SLC4A11: variants seen among roughly 807,000 people sequenced by gnomAD.
The protein encoded by SLC4A11 is solute carrier family 4 member 11.
Under a neutral mutation model 95.0 loss-of-function variants are expected in SLC4A11, and 74 were observed. That is an observed-to-expected ratio of 0.78 (90% CI 0.65 to 0.95). The LOEUF (loss-of-function observed/expected upper bound fraction) is 0.95, where lower values mean the gene tolerates loss of function less well. Ranked by LOEUF, SLC4A11 falls within the 40% of genes least tolerant of loss-of-function variation. The probability of loss-of-function intolerance (pLI) is 0.00; values close to 1 mark genes in which losing one functional copy is unlikely to be tolerated. For missense variants in SLC4A11, 1,081 were observed against 1,192.4 expected (o/e 0.91, Z 1.38); for synonymous variants, 548 against 519.0 (o/e 1.06, Z -0.76).
In SLC4A11 at chr20:3,228,259, C is replaced by A; in HGVS notation, c.2558G>T (p.Arg853Leu). Residue 853 changes from arginine (R) to leucine (L), a missense_variant and splice_region_variant, in exon 19 of 20, where the codon CGC becomes CTC. Arg to Leu is a moderately radical substitution (Grantham distance 102). This residue lies in a region of SLC4A11 where 767 missense variants were observed against 858.0 expected (regional missense o/e 0.89). Transcript: ENST00000642402. ...PLIMIAMIPI[R>L]YILLPRIIEA... ...CTGCCCACTGCCCACCCGCCTGTAC[C>A]GGATGGGGATCATGGCGATCATGAT... 6.2e-7 allele frequency: 1 copy of A among 1,612,362 alleles called. No individual in the cohort carries two copies. The highest frequency in any genetic ancestry group is 8.5e-7 in the Non-Finnish European group (1 of 1,179,822).
Position 3,234,386 on chromosome 20 carries a change from C to A in SLC4A11, c.292-72G>T. Reference sequence around the variant, plus strand: ...GCTGTCACTGCCTGGTCCCTCCCTCCCAGCCAGCCGCAGCAGTCCAGCCCC... The same window carrying A: ...GCTGTCACTGCCTGGTCCCTCCCTCACAGCCAGCCGCAGCAGTCCAGCCCC... On this transcript the variant is annotated intron_variant, in intron 4 of 19. Coordinates refer to ENST00000642402, the MANE Select transcript of SLC4A11 (RefSeq NM_001174089.2). This position sits in a 1 kb window ranked among gnomAD's most constrained non-coding sequence, Gnocchi z 5.8. 1.3e-6 allele frequency: 2 copies of A among 1,540,414 alleles called. No homozygotes were observed. The highest frequency in any genetic ancestry group is 1.1e-5 in the South Asian group (1 of 89,022).
Position 3,229,652 on chromosome 20 carries a change from G to C in SLC4A11, c.1614C>G (p.Ala538=), listed in dbSNP as rs2067684691. 6.2e-7 allele frequency: 1 copy of C among 1,613,788 alleles called. No homozygotes were observed. The highest frequency in any genetic ancestry group is 1.3e-5 in the African/African-American group (1 of 75,058). ...LNASLHTALN[A]SFLASPTELP... ...GCTCCGTGGGGCTGGCGAGGAAGCT[G>C]GCGTTGAGGGCAGTGTGGAGGCTGG... Residue 538 remains alanine, a synonymous_variant, in exon 14 of 20, where the codon GCC becomes GCG. Coordinates refer to ENST00000642402, the MANE Select transcript of SLC4A11 (RefSeq NM_001174089.2).
intron 7 of SLC4A11, among the ~76,000 whole-genome samples, chr20:3,232,948 G>A (rs569044394): frequency 7.2e-5 from 11 of 152,154 alleles, no homozygotes; most frequent in Admixed American, 2.0e-4. Context: ...GGAGGTTCCC[G>A]CCATGTCTGA....
chr20:3,233,731 C>T, intron 6 of SLC4A11, 94 bp from the exon 7 acceptor site: 1 of 1,577,148 alleles, frequency 6.3e-7, no homozygotes, highest in Non-Finnish European at 8.6e-7. Context: ...CCCTGGCGAC[C>T]TCTGCTAGGG....
chr20:3,233,918 C>A lies in SLC4A11; in HGVS notation c.605+3G>T. The A allele has an allele frequency of 6.2e-7, 1 of 1,612,736 alleles. No individual in the cohort carries two copies. The highest frequency in any genetic ancestry group is 2.2e-5 in the East Asian group (1 of 44,876). On this transcript the variant is annotated splice_donor_region_variant and intron_variant, in intron 6 of 19. Transcript: ENST00000642402. The stretch of plus-strand genomic sequence containing the variant: ...AGGGGGGCCAAGTGGCCTGGCAACT[C>A]ACATGATGCAGAGCCACGACTGCTG...
At chr20:3,233,197 C>A (rs567400311) in intron 7 of SLC4A11, among the ~76,000 whole-genome samples, 71 of 152,284 alleles carry the variant, frequency 4.7e-4, no homozygotes, top group African/African-American at 1.6e-3. Flanking sequence ...GGACCCTCAG[C>A]TAGCAAATCG....
chr20:3,231,011 G>C lies in SLC4A11; in HGVS notation c.1090C>G (p.Leu364Val), dbSNP rs775040821. 2 of 1,613,920 alleles carry C rather than the reference G, an allele frequency of 1.2e-6. No individual in the cohort carries two copies. Among genetic ancestry groups the C allele is most frequent in the Non-Finnish European group, 1.7e-6 (2 of 1,180,032 alleles). ...AGGAGGCAGGCGAAGTAGAGGAACA[G>C]GGTGGTGGTGATGTATTTGCCCACA... ...KAVGKYITTT[L>V]FLYFACLLPT... The change falls in exon 10 of 20, where the codon CTG (leucine) becomes GTG (valine). Residue 364 changes from leucine (L) to valine (V), a missense_variant. Leu to Val is a conservative substitution (Grantham distance 32). Around this residue, in one of 3 missense-constraint regions of SLC4A11, gnomAD observed 767 missense variants for 858.0 expected, o/e 0.89. Coordinates refer to ENST00000642402, the MANE Select transcript of SLC4A11 (RefSeq NM_001174089.2). This position sits in a 1 kb window ranked among gnomAD's most constrained non-coding sequence, Gnocchi z 5.2.
Position 3,229,429 on chromosome 20 carries a change from C to G in SLC4A11, c.1766G>C (p.Arg589Pro), listed in dbSNP as rs778924154. ...KKSPYLHPCV[R>P]EILSDCALPI... ...CAGGGCGCAGTCGGACAGGATCTCT[C>G]GCACGCAGGGGTGCAGGTAGGGGCT... The change falls in exon 15 of 20, where the codon CGA becomes CCA. Residue 589 changes from arginine to proline, a missense_variant. By Grantham distance (103) the Arg-to-Pro change is moderately radical (BLOSUM62 -2). Coordinates refer to ENST00000642402, the MANE Select transcript of SLC4A11 (RefSeq NM_001174089.2). 6.8e-6 allele frequency: 11 copies of G among 1,613,286 alleles called. No individual in the cohort carries two copies. Among genetic ancestry groups the G allele is most frequent in the Non-Finnish European group, 7.6e-6 (9 of 1,180,010 alleles).
rs773078769 is a variant in SLC4A11, at chr20:3,234,284, T to C, written c.322A>G (p.Ile108Val). The change falls in exon 5 of 20, where the codon ATC becomes GTC. Residue 108 changes from isoleucine to valine, a missense_variant. Around this residue, in one of 3 missense-constraint regions of SLC4A11, gnomAD observed 310 missense variants for 313.5 expected, o/e 0.99. Transcript: ENST00000642402. The surrounding 1 kb of genome is among the most constrained non-coding windows in gnomAD (Gnocchi z 5.8). ...CCATCTAGGTCGCGGTGCGCACGGA[T>C]CTCTTCCTTGAAGTTCTTTAACTTC... ...YLKLKNFKEE[I>V]RAHRDLDGFL... 4.0e-5 allele frequency: 65 copies of C among 1,613,916 alleles called. No homozygotes were observed. In the South Asian group the frequency reaches 6.5e-4, roughly 16 times the overall value.
Position 3,234,742 on chromosome 20 carries a change from C to G in SLC4A11, c.241G>C (p.Glu81Gln). 6.2e-7 allele frequency: 1 copy of G among 1,613,964 alleles called. No individual in the cohort carries two copies. The highest frequency in any genetic ancestry group is 1.1e-5 in the South Asian group (1 of 91,084). Residue 81 changes from glutamate to glutamine, a missense_variant and splice_region_variant, in exon 3 of 20, where the codon GAG (glutamate) becomes CAG (glutamine). Transcript: ENST00000642402. The surrounding 1 kb of genome is among the most constrained non-coding windows in gnomAD (Gnocchi z 5.8). ...VNLEMQATNT[E>Q]NEATSGGCVL... is the part of the protein sequence containing the mutation. Reference sequence around the variant, plus strand: ...TCTGCCCCTGCTGCAGCCCCCATACCAGTGTTGGTGGCCTGCATCTCAAGG... The same window carrying G: ...TCTGCCCCTGCTGCAGCCCCCATACGAGTGTTGGTGGCCTGCATCTCAAGG...
chr20:3,230,414 C>A, intron 12 of SLC4A11, 101 bp downstream of exon 12: 1 of 1,593,898 alleles, frequency 6.3e-7, no homozygotes, highest in South Asian at 1.1e-5. Context: ...CCCCTTGGGG[C>A]AGCAATATGG....
At chr20:3,233,258 G>C (rs553442010) in intron 7 of SLC4A11, among the ~76,000 whole-genome samples, 2 of 152,172 alleles carry the variant, frequency 1.3e-5, no homozygotes, top group Non-Finnish European at 1.5e-5. Context: ...GCCAGAGAAG[G>C]CCGCGTGTTT....
In SLC4A11 at chr20:3,230,667, C is replaced by T. The variant is rs200049838; in HGVS notation, c.1283-20G>A. 4.6e-5 allele frequency: 75 copies of T among 1,613,022 alleles called. No homozygotes were observed. In the Middle Eastern group the frequency reaches 2.6e-3, roughly 57 times the overall value. ...GAATCACTGCAGGCAGGGGGCAGGG[C>T]GGGTCAGGGCCCGGCAGGAACCAGG... On this transcript the variant is annotated intron_variant, in intron 11 of 19. Coordinates refer to ENST00000642402, the MANE Select transcript of SLC4A11 (RefSeq NM_001174089.2).
At position 3,229,389 on chromosome 20, in the gene SLC4A11, G is replaced by A. The variant is rs111238981; in HGVS notation, c.1806C>T (p.Leu602=). 13 of 1,613,224 alleles carry A rather than the reference G, an allele frequency of 8.1e-6. No individual in the cohort carries two copies. Among genetic ancestry groups the A allele is most frequent in the African/African-American group, 4.0e-5 (3 of 74,948 alleles). Residue 602 remains leucine (L), a synonymous_variant, in exon 15 of 20, where the codon CTC becomes CTT. Transcript: ENST00000642402. The part of the protein sequence containing the change: ...LSDCALPIAV[L]AFSLISSHGF... Reference sequence around the variant, plus strand: ...CATGGGAGCTGATGAGGGAGAAGGCGAGCACCGCGATGGGCAGGGCGCAGT... The same window carrying A: ...CATGGGAGCTGATGAGGGAGAAGGCAAGCACCGCGATGGGCAGGGCGCAGT...
Position 3,227,764 on chromosome 20 carries a change from G to A in SLC4A11, c.*23C>T, listed in dbSNP as rs372591594. ...GGGAGGACGTGGAGGGCTGGCGAAT[G>A]GGGCGTGGGCAGGGTCTGCCAGTCA... is the stretch of plus-strand genomic sequence containing the variant. On this transcript the variant is annotated 3_prime_UTR_variant, in exon 20 of 20. Coordinates refer to ENST00000642402, the MANE Select transcript of SLC4A11 (RefSeq NM_001174089.2). The A allele has an allele frequency of 1.9e-6, 3 of 1,611,730 alleles. No individual in the cohort carries two copies. Among genetic ancestry groups the A allele is most frequent in the Non-Finnish European group, 2.5e-6 (3 of 1,179,546 alleles).
At chr20:3,237,749 G>C in intron 1 of SLC4A11, 161 bp from the exon 2 acceptor site, 1 of 1,613,498 alleles carries the variant, frequency 6.2e-7, no homozygotes, top group Admixed American at 1.7e-5. Flanking sequence ...ACAGTGCTCG[G>C]GAGGGGGCCC....
rs775511503 is a variant in SLC4A11, at chr20:3,229,588, G to A, written c.1678C>T (p.Leu560Phe). ...GTGCCCAGCATGATGAGGAGGCTGAGCACGGCGGTCGCCTGGCCTGAGTGT... is the reference window on the plus strand; with the variant it reads ...GTGCCCAGCATGATGAGGAGGCTGAACACGGCGGTCGCCTGGCCTGAGTGT... ...ATHSGQATAVLSLLIMLGTLW... is the reference protein window; with the variant it reads ...ATHSGQATAVFSLLIMLGTLW... The change falls in exon 14 of 20, where the codon CTC becomes TTC. Residue 560 changes from leucine (L) to phenylalanine (F), a missense_variant. Transcript: ENST00000642402. 8 of 1,612,634 alleles carry A rather than the reference G, an allele frequency of 5.0e-6. No homozygotes were observed. The highest frequency in any genetic ancestry group is 1.7e-5 in the Admixed American group (1 of 60,000).
At chr20:3,235,886 G>C (rs910285130) in intron 2 of SLC4A11, among the ~76,000 whole-genome samples, 1 of 151,910 alleles carries the variant, frequency 6.6e-6, no homozygotes, top group African/African-American at 2.4e-5. Context: ...CTCCCTGGAG[G>C]GCCTTTTTCA....
rs2067591417 is a variant in SLC4A11, at chr20:3,228,013, C to A, written c.2559-157G>T. 1.6e-5 allele frequency among the ~76,000 whole-genome samples: 2 copies of A among 127,130 alleles called. 1 individual carries two copies. Among genetic ancestry groups the A allele is most frequent in the African/African-American group, 5.9e-5 (2 of 33,816 alleles). 83.4% of individuals were successfully genotyped at this position (127,130 alleles called of 152,430 possible). Reference sequence around the variant, plus strand: ...CCCACTCTCCACTCCTAGACTGGAGCCCCTCCTGCCCACCACCCACCCCAG... The same window carrying A: ...CCCACTCTCCACTCCTAGACTGGAGACCCTCCTGCCCACCACCCACCCCAG... On this transcript the variant is annotated intron_variant, in intron 19 of 19. Transcript: ENST00000642402.
Sources: allele counts gnomAD v4.1 joint callset (sites outside exome capture counted in the v4.1 genomes callset), GRCh38; gene constraint gnomAD v4.1.1; regional missense constraint gnomAD v4.1.1; non-coding constraint Gnocchi (gnomAD v3.1); transcripts MANE v1.5; gene names NCBI Gene and HGNC (gene_info 2026-07-23, HGNC 2026-07-21).